LRRTM4: variants seen among roughly 807,000 people sequenced by gnomAD.
LRRTM4 encodes leucine-rich repeat transmembrane neuronal protein 4.
LRRTM4 carries 25 observed loss-of-function variants against 47.6 expected under a neutral mutation model. The observed-to-expected ratio is 0.53, with a 90% CI of 0.38 to 0.73. The LOEUF (loss-of-function observed/expected upper bound fraction) is 0.73, where lower values mean the gene tolerates loss of function less well. LRRTM4 is among the 30% of genes least tolerant of loss of function. The probability of loss-of-function intolerance (pLI) is 0.00; values close to 1 mark genes in which losing one functional copy is unlikely to be tolerated. For synonymous variants in LRRTM4, 311 were observed against 269.5 expected, an observed-to-expected ratio of 1.15 and a Z score of -1.51; for missense variants, 638 against 713.4, an observed-to-expected ratio of 0.89 and a Z score of 1.20.
At chr2:76,999,909 C>T (rs1376091631) in intron 3 of LRRTM4, among the ~76,000 whole-genome samples, 1 of 152,058 alleles carries the variant, frequency 6.6e-6, no homozygotes, top group Non-Finnish European at 1.5e-5. Flanking sequence ...AACTAAGTTG[C>T]TACAGTTTAA....
intron 3 of LRRTM4, among the ~76,000 whole-genome samples, chr2:77,446,438 G>T (rs1216059112): frequency 6.6e-6 from 1 of 151,938 alleles, no homozygotes; most frequent in African/African-American, 2.4e-5. Context: ...GATCTTCAAA[G>T]ATATAATATT....
At chr2:77,176,103 G>A (rs551230040) in intron 3 of LRRTM4, among the ~76,000 whole-genome samples, 2 of 151,976 alleles carry the variant, frequency 1.3e-5, no homozygotes, top group Admixed American at 1.3e-4. Flanking sequence ...CCCTTAATGT[G>A]TATGAATGCT....
At chr2:76,898,692 G>C (rs1032098521) in intron 3 of LRRTM4, among the ~76,000 whole-genome samples, 1 of 151,254 alleles carries the variant, frequency 6.6e-6, no homozygotes, top group Non-Finnish European at 1.5e-5. Context: ...TGAGCATCTG[G>C]ACGTATTAAA....
chr2:76,799,403 C>A (rs1462281072), intron 3 of LRRTM4, among the ~76,000 whole-genome samples: 7 of 121,158 alleles, frequency 5.8e-5, no homozygotes, highest in Admixed American at 2.4e-4. Flanking sequence ...ATTCAACAAC[C>A]CTTCATGCTA....
At chr2:77,356,080 C>T (rs757578441) in intron 3 of LRRTM4, among the ~76,000 whole-genome samples, 3 of 152,118 alleles carry the variant, frequency 2.0e-5, no homozygotes, top group Non-Finnish European at 4.4e-5. Flanking sequence ...GGCAACAAAG[C>T]GAGACCCTGT....
At chr2:76,926,837 A>T (rs1015216925) in intron 3 of LRRTM4, among the ~76,000 whole-genome samples, 1 of 152,124 alleles carries the variant, frequency 6.6e-6, no homozygotes, top group Non-Finnish European at 1.5e-5. Flanking sequence ...CAGAGCACAA[A>T]ACGAACTAAG....
intron 3 of LRRTM4, among the ~76,000 whole-genome samples, chr2:76,878,372 A>G (rs190691957): frequency 1.3e-5 from 2 of 152,258 alleles, no homozygotes; most frequent in Admixed American, 1.3e-4. Context: ...ATGTCCTCTA[A>G]GTTTGCAAGT....
At chr2:77,242,725 A>G (rs1402107025) in intron 3 of LRRTM4, among the ~76,000 whole-genome samples, 2 of 152,156 alleles carry the variant, frequency 1.3e-5, no homozygotes, top group African/African-American at 4.8e-5. Context: ...TAAAATAACT[A>G]ATTTTAATGA....
chr2:76,905,036 A>T (rs1673775996), intron 3 of LRRTM4, among the ~76,000 whole-genome samples: 1 of 152,140 alleles, frequency 6.6e-6, no homozygotes, highest in Non-Finnish European at 1.5e-5. Context: ...GAACAGGCAG[A>T]CTGCCTCCTC....
chr2:76,881,403 T>A (rs1176456741), intron 3 of LRRTM4, among the ~76,000 whole-genome samples: 3 of 151,964 alleles, frequency 2.0e-5, no homozygotes, highest in Non-Finnish European at 2.9e-5. Context: ...ATAATGATAA[T>A]ATGTGTGAAA....
At chr2:77,414,236 G>A (rs1674553423) in intron 3 of LRRTM4, among the ~76,000 whole-genome samples, 1 of 151,372 alleles carries the variant, frequency 6.6e-6, no homozygotes, top group Non-Finnish European at 1.5e-5. Flanking sequence ...GATATTGAAG[G>A]CTTCCTAAGT....
intron 3 of LRRTM4, among the ~76,000 whole-genome samples, chr2:76,961,324 C>G (rs1275192780): frequency 6.6e-6 from 1 of 151,182 alleles, no homozygotes; most frequent in Non-Finnish European, 1.5e-5. Flanking sequence ...TAATTCCCAA[C>G]TGTTACAATA....
chr2:77,494,586 C>T (rs2104056229), intron 3 of LRRTM4, among the ~76,000 whole-genome samples: 1 of 138,138 alleles, frequency 7.2e-6, no homozygotes, highest in South Asian at 2.4e-4. Context: ...ACTGCTTTTC[C>T]CATTTTTTTT....
intron 3 of LRRTM4, among the ~76,000 whole-genome samples, chr2:77,365,370 A>C (rs1672402241): frequency 6.6e-6 from 1 of 152,014 alleles, no homozygotes; most frequent in African/African-American, 2.4e-5. Flanking sequence ...AAACACTTAC[A>C]TTTTTTAATT....
chr2:77,445,698 G>T (rs1284464981), intron 3 of LRRTM4, among the ~76,000 whole-genome samples: 8 of 151,924 alleles, frequency 5.3e-5, no homozygotes, highest in Non-Finnish European at 1.0e-4. Flanking sequence ...TACATTTGGG[G>T]TCCTTTAATT....
intron 3 of LRRTM4, among the ~76,000 whole-genome samples, chr2:77,090,561 C>T (rs1670581697): frequency 6.6e-6 from 1 of 152,150 alleles, no homozygotes; most frequent in African/African-American, 2.4e-5. Flanking sequence ...AGACAAACCC[C>T]AGCCACATCT....
At chr2:76,859,020 T>G (rs1419812650) in intron 3 of LRRTM4, among the ~76,000 whole-genome samples, 1 of 152,210 alleles carries the variant, frequency 6.6e-6, no homozygotes, top group Non-Finnish European at 1.5e-5. Flanking sequence ...ACTGTGGGGC[T>G]TCTTCAATCT....
chr2:76,789,431 C>T (rs941846811), intron 3 of LRRTM4, among the ~76,000 whole-genome samples: 12 of 152,282 alleles, frequency 7.9e-5, no homozygotes, highest in African/African-American at 2.9e-4. Flanking sequence ...CAAAGAGTAA[C>T]TCGAACACCA....
chr2:77,425,551 G>C lies in LRRTM4; in HGVS notation c.1551+92767C>G, dbSNP rs373968497. Reference sequence around the variant, plus strand: ...TCTCTACTGATTGGAATTCCTCAAGGCTCCCTCTAAAGATTGTTTTCTTTT... The same window carrying C: ...TCTCTACTGATTGGAATTCCTCAAGCCTCCCTCTAAAGATTGTTTTCTTTT... On this transcript the variant is annotated intron_variant, in intron 3 of 3. Coordinates refer to ENST00000409884, the MANE Select transcript of LRRTM4 (RefSeq NM_001134745.3). Among the ~76,000 whole-genome samples the C allele has an allele frequency of 3.6e-4, 54 of 152,110 alleles. No individual in the cohort carries two copies. The South Asian group carries it at 9.5e-3, about 27-fold the overall frequency.
Sources: gnomAD v4.1 joint callset for allele counts (sites outside exome capture counted in the v4.1 genomes callset) on GRCh38, gnomAD v4.1.1 for gene constraint, MANE v1.5 for transcripts, NCBI Gene and HGNC (gene_info 2026-07-23, HGNC 2026-07-21) for gene names.